Variants in PIAS3 observed in about 807,000 individuals in gnomAD.
PIAS3 encodes protein inhibitor of activated STAT 3.
PIAS3 carries 34 observed loss-of-function variants against 67.6 expected under a neutral mutation model. The observed-to-expected ratio is 0.50, with a 90% CI of 0.38 to 0.67. The LOEUF (loss-of-function observed/expected upper bound fraction) is 0.67. Ranked by LOEUF, PIAS3 falls within the 30% of genes least tolerant of loss-of-function variation. PIAS3 has a pLI of 0.00. For synonymous variants in PIAS3, 341 were observed against 313.8 expected (o/e 1.09, Z -0.92); for missense variants, 693 against 791.6 (o/e 0.88, Z 1.49).
chr1:145,855,521 C>T (rs958911507), intron 5 of PIAS3, among the ~76,000 whole-genome samples: 4 of 151,928 alleles, frequency 2.6e-5, no homozygotes, highest in South Asian at 2.1e-4. Flanking sequence ...TCTTACATCT[C>T]GGGTTGAACT....
chr1:145,855,469 G>A (rs587727966), intron 5 of PIAS3, among the ~76,000 whole-genome samples: 1 of 150,454 alleles, frequency 6.6e-6, no homozygotes, highest in East Asian at 2.0e-4. Context: ...GTGACAGAGC[G>A]AGTGACTCTG....
chr1:145,850,795 A>T lies in PIAS3; in HGVS notation c.1424T>A (p.Ile475Asn). ...CCCTTTGCTTCCAGGTAGGGCCGGG[A>T]TGGCAGCTGAGGTGACAGAACAGTG... ...KKHCSVTSAA[I>N]PALPGSKGVL... is the part of the protein sequence containing the mutation. Residue 475 changes from isoleucine (I) to asparagine (N), a missense_variant, in exon 11 of 14, where the codon ATC becomes AAC. Physicochemically the swap from Ile to Asn is moderately radical, Grantham distance 149. Transcript: ENST00000393045. 4 of 1,614,214 alleles carry T rather than the reference A, an allele frequency of 2.5e-6. No homozygotes were observed. Among genetic ancestry groups the T allele is most frequent in the Non-Finnish European group, 3.4e-6 (4 of 1,180,032 alleles).
Position 145,849,490 on chromosome 1 carries a change from G to T in PIAS3, c.1843C>A (p.Pro615Thr), listed in dbSNP as rs1553733555. ...EGHGGPLPSGPSLTGCRSDII... is the reference protein window; with the variant it reads ...EGHGGPLPSGTSLTGCRSDII... ...TCTGACCGACAGCCAGTCAAAGAGG[G>T]ACCTGAGGGCAGGGGTCCTCCATGC... Residue 615 changes from proline (P) to threonine (T), a missense_variant, in exon 14 of 14, where the codon CCC (proline) becomes ACC (threonine). Pro to Thr is a conservative substitution (Grantham distance 38). Transcript: ENST00000393045. The T allele has an allele frequency of 6.5e-7, 1 of 1,527,876 alleles. No individual in the cohort carries two copies. Among genetic ancestry groups the T allele is most frequent in the South Asian group, 1.3e-5 (1 of 77,998 alleles). 94.6% of individuals were successfully genotyped at this position (1,527,876 alleles called of 1,614,324 possible). A position where few individuals can be genotyped will look rare whatever the true frequency, so the allele number is the denominator to read the frequency against.
rs200903827 is a variant in PIAS3 at position 145,853,525 on chromosome 1, T to C, written c.1124A>G (p.Tyr375Cys). ...TCPVCDKKAPYESLIIDGLFM... is the reference protein window; with the variant it reads ...TCPVCDKKAPCESLIIDGLFM... The stretch of plus-strand genomic sequence containing the variant: ...CTACCCATCAATGATAAGAGATTCA[T>C]AGGGAGCCTTCTTGTCACACACAGG... Residue 375 changes from tyrosine (Y) to cysteine (C), a missense_variant, in exon 9 of 14, where the codon TAT becomes TGT. Tyr to Cys is a radical substitution (Grantham distance 194). Transcript: ENST00000393045. 20 of 1,612,658 alleles carry C rather than the reference T, an allele frequency of 1.2e-5. No homozygotes were observed. The highest frequency in any genetic ancestry group is 1.7e-5 in the Admixed American group (1 of 59,844).
At position 145,851,475 on chromosome 1, in the gene PIAS3, G is replaced by A. The variant is rs1233416160; in HGVS notation, c.1146-322C>T. On this transcript the variant is annotated intron_variant, in intron 9 of 13. Coordinates refer to ENST00000393045, the MANE Select transcript of PIAS3 (RefSeq NM_006099.3). ...GTTCAAGACCAGCCTGGCCAACATG[G>A]TGAAACCTCATCTCTACTAAAAATA... is the stretch of plus-strand genomic sequence containing the variant. 4 of 269,484 alleles carry A rather than the reference G, an allele frequency of 1.5e-5. No homozygotes were observed. In the East Asian group the frequency reaches 2.5e-4, roughly 17 times the overall value. The allele number at this position is 269,484 out of a possible 1,614,324, so 16.7% of individuals were successfully genotyped here.
Position 145,851,036 on chromosome 1 carries a change from T to C in PIAS3, c.1263A>G (p.Pro421=). Residue 421 remains proline (P), a synonymous_variant, in exon 10 of 14, where the codon CCA becomes CCG. Transcript: ENST00000393045. ...GTCACTCACCATCCAGCCCATACCC[T>C]GGCGGGGGGCAAACCTCAGATGCCT... ...KKEASEVCPP[P]GYGLDGLQYS... 1 of 1,614,230 alleles carries C rather than the reference T, an allele frequency of 6.2e-7. No individual in the cohort carries two copies. The highest frequency in any genetic ancestry group is 8.5e-7 in the Non-Finnish European group (1 of 1,180,038).
At chr1:145,857,108 C>G (rs1653221508) in intron 1 of PIAS3, 102 bp from the exon 2 acceptor site, 1 of 974,010 alleles carries the variant, frequency 1.0e-6, no homozygotes, top group African/African-American at 1.6e-5. Context: ...TTCTCTCCAG[C>G]ACTGATGGGA....
At chr1:145,854,270 C>T in intron 7 of PIAS3, 188 bp downstream of exon 7, 1 of 607,286 alleles carries the variant, frequency 1.6e-6, no homozygotes, top group Non-Finnish European at 2.9e-6. Context: ...TTCAAGGGTG[C>T]CTGGGAGTGG....
chr1:145,856,031 A>G, intron 4 of PIAS3, 37 bp downstream of exon 4: 1 of 1,561,894 alleles, frequency 6.4e-7, no homozygotes, highest in Non-Finnish European at 8.8e-7. Flanking sequence ...TCCTACCCCC[A>G]GTGGGTACCC....
intron 7 of PIAS3, chr1:145,854,162 T>C (rs1570775895): frequency 1.7e-6 from 1 of 594,652 alleles, no homozygotes; most frequent in Admixed American, 3.0e-5. Flanking sequence ...AGGGTTAGAT[T>C]AGAGGACCCC....
rs782477004 is a variant in PIAS3, at chr1:145,854,552, C to T, written c.816G>A (p.Leu272=). 8 of 1,613,582 alleles carry T rather than the reference C, an allele frequency of 5.0e-6. No homozygotes were observed. Among genetic ancestry groups the T allele is most frequent in the Non-Finnish European group, 6.8e-6 (8 of 1,179,506 alleles). Reference sequence around the variant, plus strand: ...TCAACTGCCTCACCAGGTACACAGACAAGGAGTAATTCTACTTGGAGGCAG... The same window carrying T: ...TCAACTGCCTCACCAGGTACACAGATAAGGAGTAATTCTACTTGGAGGCAG... ...WSSEFGRNYS[L]SVYLVRQLTA... The change falls in exon 7 of 14, where the codon TTG becomes TTA. Residue 272 remains leucine (L), a synonymous_variant. Coordinates refer to ENST00000393045, the MANE Select transcript of PIAS3 (RefSeq NM_006099.3).
rs150829478 is a variant in PIAS3, at chr1:145,849,644, T to C, written c.1689A>G (p.Arg563=). Residue 563 remains arginine (R), a synonymous_variant, in exon 14 of 14, where the codon CGA becomes CGG. Transcript: ENST00000393045. ...GGCCCAGAAAGTGAGAAGGGGTCCC[T>C]CGGTACTGGAAGAAGTGGCCAAGGG... ...QDALGHFFQY[R]GTPSHFLGPL... The C allele has an allele frequency of 6.2e-7, 1 of 1,613,174 alleles. No homozygotes were observed. The highest frequency in any genetic ancestry group is 8.5e-7 in the Non-Finnish European group (1 of 1,179,622).
Position 145,854,860 on chromosome 1 carries a change from C to T in PIAS3, c.690G>A (p.Lys230=). 1 of 1,614,160 alleles carries T rather than the reference C, an allele frequency of 6.2e-7. No individual in the cohort carries two copies. Among genetic ancestry groups the T allele is most frequent in the African/African-American group, 1.3e-5 (1 of 75,032 alleles). Reference sequence around the variant, plus strand: ...TGGGCCTCTTGGGCTCGGCCCCATTCTTGGTTGGGGGAAGGTAACCCTGGA... The same window carrying T: ...TGGGCCTCTTGGGCTCGGCCCCATTTTTGGTTGGGGGAAGGTAACCCTGGA... The part of the protein sequence containing the change: ...CPLPGYLPPT[K]NGAEPKRPSR... The change falls in exon 6 of 14, where the codon AAG becomes AAA. Residue 230 remains lysine (K), a synonymous_variant. Transcript: ENST00000393045.
rs1653211704 is a variant in PIAS3 at position 145,856,874 on chromosome 1, C to T, written c.157G>A (p.Val53Ile). The T allele has an allele frequency of 2.5e-6, 4 of 1,614,130 alleles. No homozygotes were observed. The East Asian group carries it at 8.9e-5, about 36-fold the overall frequency. Residue 53 changes from valine to isoleucine, a missense_variant, in exon 2 of 14, where the codon GTC becomes ATC. Val to Ile is a conservative substitution (Grantham distance 29). Around this residue, in one of 3 missense-constraint regions of PIAS3, gnomAD observed 308 missense variants for 348.8 expected, o/e 0.88. Coordinates refer to ENST00000393045, the MANE Select transcript of PIAS3 (RefSeq NM_006099.3). ...TAAAGCTCTTTGATCTTCATCTGGACACTAGGGGCACAGCTGGACTTCAGG... is the reference window on the plus strand; with the variant it reads ...TAAAGCTCTTTGATCTTCATCTGGATACTAGGGGCACAGCTGGACTTCAGG... ...HLLKSSCAPS[V>I]QMKIKELYRR...
intron 5 of PIAS3, 43 bp downstream of exon 5, chr1:145,855,693 A>G (rs1357125432): frequency 9.7e-7 from 1 of 1,027,778 alleles, no homozygotes; most frequent in Non-Finnish European, 1.5e-6. Flanking sequence ...TTATGAACTG[A>G]AACGGTAAGG....
intron 6 of PIAS3, 68 bp from the exon 7 acceptor site, chr1:145,854,631 A>T (rs1559164258): frequency 8.9e-6 from 14 of 1,580,742 alleles, no homozygotes; most frequent in Non-Finnish European, 1.2e-5. Flanking sequence ...CTTTTGTTCC[A>T]TGAGGACCAG....
chr1:145,854,914 G>A (rs1653102544), intron 5 of PIAS3, 34 bp from the exon 6 acceptor site: 1 of 1,611,872 alleles, frequency 6.2e-7, no homozygotes, highest in Admixed American at 1.7e-5. Context: ...GTGGAGAAGT[G>A]GCTCTGGGAA....
chr1:145,853,945 T>C (rs1283064491), intron 7 of PIAS3, 59 bp from the exon 8 acceptor site: 41 of 1,494,266 alleles, frequency 2.7e-5, no homozygotes, highest in Admixed American at 1.2e-4. Flanking sequence ...AGCCCAGGAG[T>C]TGGTAAGGCC....
At position 145,855,760 on chromosome 1, in the gene PIAS3, G is replaced by C; in HGVS notation, c.645C>G (p.Val215=). 1 of 1,605,470 alleles carries C rather than the reference G, an allele frequency of 6.2e-7. No individual in the cohort carries two copies. Among genetic ancestry groups the C allele is most frequent in the Middle Eastern group, 1.7e-4 (1 of 6,046 alleles). ...CCGGCAGGGGGCACAGTTTCCCATTGACCTTGACAAAGAGGTTGGGGGGAA... is the reference window on the plus strand; with the variant it reads ...CCGGCAGGGGGCACAGTTTCCCATTCACCTTGACAAAGAGGTTGGGGGGAA... ...DYFPPNLFVK[V]NGKLCPLPGY... The change falls in exon 5 of 14, where the codon GTC becomes GTG. Residue 215 remains valine (V), a synonymous_variant. Transcript: ENST00000393045.
Sources: allele counts gnomAD v4.1 joint callset (sites outside exome capture counted in the v4.1 genomes callset), GRCh38; gene constraint gnomAD v4.1.1; regional missense constraint gnomAD v4.1.1; transcripts MANE v1.5; gene names NCBI Gene and HGNC (gene_info 2026-07-23, HGNC 2026-07-21).